MCU: variants seen among roughly 807,000 people sequenced by gnomAD.
MCU encodes calcium uniporter protein, mitochondrial.
A neutral mutation model predicts 45.2 loss-of-function variants in MCU; 12 were observed. The observed-to-expected ratio is 0.27, with a 90% CI of 0.17 to 0.43. The LOEUF is 0.43. Among genes scored for constraint, MCU ranks in the 20% least tolerant of loss-of-function variants. MCU has a pLI of 1.00. For synonymous variants in MCU, 160 were observed against 165.1 expected, an observed-to-expected ratio of 0.97 and a Z score of 0.24; for missense variants, 324 against 436.7, an observed-to-expected ratio of 0.74 and a Z score of 2.30.
intron 1 of MCU, among the ~76,000 whole-genome samples, chr10:72,770,732 T>TA (rs1480935398): frequency 1.3e-5 from 2 of 152,132 alleles, no homozygotes; most frequent in Non-Finnish European, 2.9e-5. Flanking sequence ...TGCCTCTACT[T>TA]ACTTTCTTTG....
At chr10:72,861,268 C>T (rs535056607) in intron 4 of MCU, among the ~76,000 whole-genome samples, 285 of 152,104 alleles carry the variant, frequency 1.9e-3, no homozygotes, top group Middle Eastern at 0.014. Flanking sequence ...TCAAGCACTC[C>T]TCCCTCTCTG....
chr10:72,884,242 A>C, intron 6 of MCU, 24 bp from the exon 7 acceptor site: 7 of 1,373,458 alleles, frequency 5.1e-6, no homozygotes, highest in Non-Finnish European at 7.3e-6. Flanking sequence ...AAGGACTGAT[A>C]ATTCCGTTTC....
intron 1 of MCU, among the ~76,000 whole-genome samples, chr10:72,789,203 G>A (rs1844121076): frequency 1.3e-5 from 2 of 152,138 alleles, no homozygotes; most frequent in Admixed American, 1.3e-4. Flanking sequence ...AATGGCTAGA[G>A]ACTTTGGAAA....
intron 1 of MCU, among the ~76,000 whole-genome samples, chr10:72,760,049 T>A (rs1211509607): frequency 4.0e-4 from 6 of 14,978 alleles, no homozygotes; most frequent in African/African-American, 2.3e-3. Flanking sequence ...AAACTTTAAA[T>A]TTTTTTTTTT....
At chr10:72,697,679 C>T (rs1220070669) in intron 1 of MCU, among the ~76,000 whole-genome samples, 2 of 152,076 alleles carry the variant, frequency 1.3e-5, no homozygotes, top group African/African-American at 4.8e-5. Flanking sequence ...CGTGATCCAC[C>T]CACCTCGGCC....
intron 1 of MCU, among the ~76,000 whole-genome samples, chr10:72,800,116 G>A (rs1844316037): frequency 6.6e-6 from 1 of 152,158 alleles, no homozygotes. Flanking sequence ...CACACAGTTT[G>A]TTCAGGGATC....
chr10:72,864,343 T>A (rs998706255), intron 4 of MCU, among the ~76,000 whole-genome samples: 1 of 152,086 alleles, frequency 6.6e-6, no homozygotes, highest in African/African-American at 2.4e-5. Flanking sequence ...CTGGAAGTGC[T>A]CCCAAGAAGC....
At chr10:72,696,188 T>TC (rs1842685541) in intron 1 of MCU, among the ~76,000 whole-genome samples, 1 of 144,074 alleles carries the variant, frequency 6.9e-6, no homozygotes, top group African/African-American at 2.5e-5. Context: ...AAAAAAAATT[T>TC]TTTTTTTTTT....
At chr10:72,714,695 A>G (rs560455681) in intron 1 of MCU, among the ~76,000 whole-genome samples, 2 of 151,990 alleles carry the variant, frequency 1.3e-5, no homozygotes, top group African/African-American at 4.8e-5. Context: ...CAGGCATGCA[A>G]CACCACGCTG....
At chr10:72,847,679 G>C (rs192752748) in intron 2 of MCU, among the ~76,000 whole-genome samples, 5 of 152,122 alleles carry the variant, frequency 3.3e-5, no homozygotes, top group Non-Finnish European at 5.9e-5. Context: ...TTACAACAAA[G>C]GGGCATAAAC....
intron 1 of MCU, among the ~76,000 whole-genome samples, chr10:72,713,144 A>C (rs1003951240): frequency 6.6e-6 from 1 of 152,234 alleles, no homozygotes; most frequent in Non-Finnish European, 1.5e-5. Context: ...GACCAATTTT[A>C]AGCATATTTT....
chr10:72,716,917 G>T (rs1842961973), intron 1 of MCU, among the ~76,000 whole-genome samples: 1 of 152,058 alleles, frequency 6.6e-6, no homozygotes, highest in South Asian at 2.1e-4. Flanking sequence ...AATTATTACA[G>T]TTAAAATACC....
intron 1 of MCU, among the ~76,000 whole-genome samples, chr10:72,816,756 C>T (rs184832052): frequency 7.9e-5 from 12 of 152,262 alleles, no homozygotes; most frequent in African/African-American, 2.9e-4. Context: ...GACGTTATCT[C>T]AGAACAAAAC....
At chr10:72,744,186 T>C (rs1589441097) in intron 1 of MCU, among the ~76,000 whole-genome samples, 1 of 151,960 alleles carries the variant, frequency 6.6e-6, no homozygotes, top group East Asian at 1.9e-4. Flanking sequence ...TATGTATAAC[T>C]ATATAGTTGA....
chr10:72,692,775 C>T (rs1473339122), intron 1 of MCU: 73 of 1,380,366 alleles, frequency 5.3e-5, no homozygotes, highest in Non-Finnish European at 6.7e-5. Context: ...CTGGGAGCTG[C>T]CCCGGAGAGC....
At chr10:72,766,889 G>A (rs999253255) in intron 1 of MCU, 2 of 152,084 alleles carry the variant, frequency 1.3e-5, no homozygotes, top group Non-Finnish European at 2.9e-5. Flanking sequence ...GTTCTTGTGG[G>A]GAGAACTGCT....
At chr10:72,864,721 C>T (rs1314138584) in intron 4 of MCU, among the ~76,000 whole-genome samples, 2 of 152,128 alleles carry the variant, frequency 1.3e-5, no homozygotes, top group Non-Finnish European at 2.9e-5. Context: ...CCACATTGTT[C>T]AAGGGTCAAC....
At chr10:72,858,134 T>G (rs2132867177) in intron 2 of MCU, among the ~76,000 whole-genome samples, 1 of 152,188 alleles carries the variant, frequency 6.6e-6, no homozygotes. Context: ...ACAGACACTT[T>G]GAGGAAGAGG....
At chr10:72,872,029 C>T (rs1010817904) in intron 6 of MCU, among the ~76,000 whole-genome samples, 1 of 152,132 alleles carries the variant, frequency 6.6e-6, no homozygotes, top group Non-Finnish European at 1.5e-5. Flanking sequence ...ACTCAGAAAT[C>T]CTCCTAAGTA....
Sources: gnomAD v4.1 joint callset for allele counts (sites outside exome capture counted in the v4.1 genomes callset) on GRCh38, gnomAD v4.1.1 for gene constraint, MANE v1.5 for transcripts, NCBI Gene and HGNC (gene_info 2026-07-23, HGNC 2026-07-21) for gene names.